The following PDS5A variants were observed in gnomAD, a reference collection of about 807,000 sequenced individuals.
The protein encoded by PDS5A is PDS5 cohesin associated factor A, also known as sister chromatid cohesion protein PDS5 homolog A.
A neutral mutation model predicts 167.1 loss-of-function variants in PDS5A; 42 were observed. The observed-to-expected ratio is 0.25, with a 90% CI of 0.20 to 0.33. The LOEUF (loss-of-function observed/expected upper bound fraction) is 0.33. Among genes scored for constraint, PDS5A ranks in the 10% least tolerant of loss-of-function variants. The pLI is 1.00. For synonymous variants in PDS5A, 553 were observed against 554.6 expected, an observed-to-expected ratio of 1.00 and a Z score of 0.04; for missense variants, 1,033 against 1,605.9, an observed-to-expected ratio of 0.64 and a Z score of 6.10.
At chr4:39,875,346 C>T (rs1195077179) in intron 19 of PDS5A, among the ~76,000 whole-genome samples, 2 of 151,424 alleles carry the variant, frequency 1.3e-5, no homozygotes, top group African/African-American at 2.4e-5. Flanking sequence ...GTGACTATTT[C>T]GTTATATTTT....
chr4:39,976,647 G>C (rs755348926), intron 1 of PDS5A, 30 bp from the exon 2 acceptor site: 333 of 1,191,092 alleles, frequency 2.8e-4, no homozygotes, highest in Non-Finnish European at 3.7e-4. Context: ...AGTTCAGCGG[G>C]AAAGGGGCGA....
At chr4:39,921,714 T>C (rs1724994426) in intron 6 of PDS5A, among the ~76,000 whole-genome samples, 1 of 151,840 alleles carries the variant, frequency 6.6e-6, no homozygotes, top group Admixed American at 6.6e-5. Flanking sequence ...ATAGTGCCGC[T>C]GCACTCCAGC....
intron 32 of PDS5A, among the ~76,000 whole-genome samples, chr4:39,836,613 C>CTTTTTTTT (rs1299199760): frequency 2.5e-5 from 2 of 78,676 alleles, no homozygotes; most frequent in East Asian, 6.1e-4. Flanking sequence ...GGATTTTTTT[C>CTTTTTTTT]TATTTTTTTT....
chr4:39,830,284 G>C (rs974074723), intron 32 of PDS5A, among the ~76,000 whole-genome samples: 3 of 152,240 alleles, frequency 2.0e-5, no homozygotes, highest in Admixed American at 2.0e-4. Context: ...TGAACACTGA[G>C]GCTCAAGCAA....
At chr4:39,887,247 G>T (rs547643624) in intron 17 of PDS5A, among the ~76,000 whole-genome samples, 1 of 152,260 alleles carries the variant, frequency 6.6e-6, no homozygotes, top group South Asian at 2.1e-4. Flanking sequence ...CAGTGTGGGT[G>T]TGTCACATAT....
At chr4:39,938,553 C>G (rs925086099) in intron 2 of PDS5A, among the ~76,000 whole-genome samples, 3 of 150,238 alleles carry the variant, frequency 2.0e-5, no homozygotes, top group African/African-American at 4.9e-5. Flanking sequence ...GACTCTGTCT[C>G]AAAAAATACA....
At chr4:39,874,757 A>G (rs945566832) in intron 19 of PDS5A, among the ~76,000 whole-genome samples, 2 of 152,222 alleles carry the variant, frequency 1.3e-5, no homozygotes, top group Admixed American at 6.5e-5. Flanking sequence ...TAATTTTTCA[A>G]TTCCCTTTTA....
chr4:39,896,004 G>A, intron 16 of PDS5A, among the ~76,000 whole-genome samples: 1 of 150,206 alleles, frequency 6.7e-6, no homozygotes, highest in East Asian at 1.9e-4. Context: ...GATTACAGGT[G>A]TGAGCCACCA....
chr4:39,971,259 T>G (rs1006186665), intron 2 of PDS5A, among the ~76,000 whole-genome samples: 1 of 151,798 alleles, frequency 6.6e-6, no homozygotes, highest in African/African-American at 2.4e-5. Context: ...CCTGGGTTCA[T>G]GCAATTCTGC....
intron 2 of PDS5A, among the ~76,000 whole-genome samples, chr4:39,952,939 G>A (rs528195371): frequency 2.1e-3 from 317 of 152,174 alleles, no homozygotes; most frequent in African/African-American, 7.3e-3. Flanking sequence ...ATGTTGGCTA[G>A]GCTGGTCTGG....
chr4:39,943,307 G>A (rs542809933), intron 2 of PDS5A, among the ~76,000 whole-genome samples: 1 of 151,938 alleles, frequency 6.6e-6, no homozygotes, highest in Non-Finnish European at 1.5e-5. Flanking sequence ...TCAATGACCT[G>A]TTTTTCTAAT....
At chr4:39,973,998 C>T (rs1455054423) in intron 2 of PDS5A, 10 of 454,918 alleles carry the variant, frequency 2.2e-5, no homozygotes, top group African/African-American at 8.1e-5. Context: ...TGATGGCGGG[C>T]GCCCGTGGTC....
intron 2 of PDS5A, among the ~76,000 whole-genome samples, chr4:39,944,198 AAT>A (rs1578795512): frequency 1.3e-5 from 2 of 151,134 alleles, no homozygotes; most frequent in African/African-American, 2.4e-5. Context: ...AAAAAAAAAA[AAT>A]ACACTATTAA....
At chr4:39,939,016 A>G (rs539362919) in intron 2 of PDS5A, among the ~76,000 whole-genome samples, 2 of 152,228 alleles carry the variant, frequency 1.3e-5, no homozygotes, top group East Asian at 3.9e-4. Flanking sequence ...CTGAAGACAC[A>G]GTAACACAAG....
intron 22 of PDS5A, among the ~76,000 whole-genome samples, chr4:39,867,766 A>ACACACG (rs1472345299): frequency 8.1e-6 from 1 of 124,036 alleles, no homozygotes; most frequent in Non-Finnish European, 1.8e-5. Context: ...ACACACACAC[A>ACACACG]CACACACACC....
rs146793884 is a variant in PDS5A at position 39,825,703 on chromosome 4, T to C, written c.4011-215A>G. Among the ~76,000 whole-genome samples the C allele has an allele frequency of 4.6e-5, 7 of 151,980 alleles. No homozygotes were observed. The East Asian group carries it at 1.4e-3, about 29-fold the overall frequency. On this transcript the variant is annotated intron_variant, in intron 32 of 32. Transcript: ENST00000303538. ...CCTGGGTTCAAGTGGTCCTCCAGGC[T>C]CAGCGTCCAGCCTGAGCCTCCCAAA...
At chr4:39,834,567 T>A (rs948532324) in intron 32 of PDS5A, among the ~76,000 whole-genome samples, 8 of 152,166 alleles carry the variant, frequency 5.3e-5, no homozygotes, top group Non-Finnish European at 1.5e-5. Context: ...TTAAAAAAAT[T>A]TTTAAAGAGT....
chr4:39,900,597 A>G, intron 13 of PDS5A, 90 bp from the exon 14 acceptor site: 1 of 777,320 alleles, frequency 1.3e-6, no homozygotes, highest in Non-Finnish European at 2.2e-6. Flanking sequence ...TGCTGTATAT[A>G]CACCATTCTT....
At chr4:39,971,079 C>T (rs1730486690) in intron 2 of PDS5A, among the ~76,000 whole-genome samples, 1 of 151,768 alleles carries the variant, frequency 6.6e-6, no homozygotes, top group South Asian at 2.1e-4. Context: ...CAGCCTTGTT[C>T]CATTCTTGAA....
Sources: gnomAD v4.1 joint callset for allele counts (sites outside exome capture counted in the v4.1 genomes callset) on GRCh38, gnomAD v4.1.1 for gene constraint, MANE v1.5 for transcripts, NCBI Gene and HGNC (gene_info 2026-07-23, HGNC 2026-07-21) for gene names.